The following CDC42 variants were observed in gnomAD, a reference collection of about 807,000 sequenced individuals.
CDC42 encodes the protein cell division control protein 42 homolog.
A neutral mutation model predicts 20.8 loss-of-function variants in CDC42; 1 was observed. The observed-to-expected ratio is 0.05, with a 90% CI of 0.02 to 0.23. The LOEUF (loss-of-function observed/expected upper bound fraction) is 0.23, where lower values mean the gene tolerates loss of function less well. CDC42 is among the 10% of genes least tolerant of loss of function. The probability of loss-of-function intolerance (pLI) is 1.00; values close to 1 mark genes in which losing one functional copy is unlikely to be tolerated. For missense variants in CDC42, 49 were observed against 227.9 expected (o/e 0.21, Z 5.05); for synonymous variants, 72 against 84.8 (o/e 0.85, Z 0.83).
chr1:22,084,642 T>C (rs2473315), intron 3 of CDC42, among the ~76,000 whole-genome samples: 143,679 of 151,880 alleles, frequency 0.95, 68,053 homozygotes, highest in East Asian at 1. Flanking sequence ...TTGATACTAT[T>C]TTCTGATGTA....
chr1:22,073,172 G>A (rs1234853914), intron 1 of CDC42, among the ~76,000 whole-genome samples: 1 of 152,166 alleles, frequency 6.6e-6, no homozygotes, highest in South Asian at 2.1e-4. Context: ...AATCTGTAGT[G>A]TGTGGACTTA....
chr1:22,057,840 C>T (rs772547273), intron 1 of CDC42, among the ~76,000 whole-genome samples: 1 of 151,840 alleles, frequency 6.6e-6, no homozygotes, highest in African/African-American at 2.4e-5. Context: ...TCTCCTGCTT[C>T]GGCCTCCTGA....
chr1:22,064,502 G>A (rs1645400550), intron 1 of CDC42, among the ~76,000 whole-genome samples: 1 of 151,980 alleles, frequency 6.6e-6, no homozygotes, highest in African/African-American at 2.4e-5. Flanking sequence ...TGTTGGCCAG[G>A]TTGGTGTGGA....
At chr1:22,053,374 C>A (rs1260632969) in intron 1 of CDC42, 2 of 151,678 alleles carry the variant, frequency 1.3e-5, no homozygotes, top group African/African-American at 2.4e-5. Flanking sequence ...CCGCGCCGGC[C>A]GCGTCCTCTG....
chr1:22,100,526 C>T lies in CDC42; in HGVS notation c.*9009C>T, dbSNP rs962559991. On this transcript the variant is annotated 3_prime_UTR_variant, in exon 6 of 6. Coordinates refer to ENST00000656825, the MANE Select transcript of CDC42 (RefSeq NM_001791.4). ...TCTCTGTGAAGTGGAAATAGCTGTA[C>T]TTTGCCCAAGAGTTGTGAGAGTGAC... 6.6e-5 allele frequency: 10 copies of T among 152,276 alleles called. No individual in the cohort carries two copies. Among genetic ancestry groups the T allele is most frequent in the African/African-American group, 2.4e-4 (10 of 41,544 alleles). 9.4% of individuals were successfully genotyped at this position (152,276 alleles called of 1,614,324 possible). A position where few individuals can be genotyped will look rare whatever the true frequency, so the allele number is the denominator to read the frequency against.
At chr1:22,061,050 C>T (rs556273312) in intron 1 of CDC42, among the ~76,000 whole-genome samples, 2 of 152,210 alleles carry the variant, frequency 1.3e-5, no homozygotes, top group South Asian at 4.1e-4. Flanking sequence ...AGAGTAAGGC[C>T]TGTGTGGCTT....
intron 1 of CDC42, among the ~76,000 whole-genome samples, chr1:22,078,022 G>A (rs1271379387): frequency 6.6e-6 from 1 of 152,122 alleles, no homozygotes; most frequent in East Asian, 1.9e-4. Flanking sequence ...TTAAAGCAGT[G>A]GCCTTTGTAT....
intron 5 of CDC42, among the ~76,000 whole-genome samples, chr1:22,088,188 G>A (rs747004856): frequency 6.6e-6 from 1 of 152,186 alleles, no homozygotes; most frequent in Non-Finnish European, 1.5e-5. Context: ...GCCTGTGTGT[G>A]TATATTGGGG....
Position 22,100,026 on chromosome 1 carries a change from C to CTT in CDC42, c.*8510_*8511dup, listed in dbSNP as rs780658203. 5.7e-4 allele frequency among the ~76,000 whole-genome samples: 33 copies of CTT among 57,576 alleles called. 2 individuals carry two copies. Among genetic ancestry groups the CTT allele is most frequent in the Admixed American group, 1.0e-3 (5 of 4,830 alleles). The allele number at this position is 57,576 out of a possible 152,430, so 37.8% of individuals were successfully genotyped here. Reference sequence around the variant, plus strand: ...CCTTTTTTTCTTTCTTCTTCTTCTTCTTCTTTTTTTTTTTTTTTGTATAAT... The same window carrying CTT: ...CCTTTTTTTCTTTCTTCTTCTTCTTCTTTTCTTTTTTTTTTTTTTTGTATAAT... On this transcript the variant is annotated 3_prime_UTR_variant, in exon 6 of 6. Coordinates refer to ENST00000656825, the MANE Select transcript of CDC42 (RefSeq NM_001791.4).
intron 1 of CDC42, among the ~76,000 whole-genome samples, chr1:22,063,466 A>AT: frequency 6.6e-6 from 1 of 152,158 alleles, no homozygotes. Flanking sequence ...TCTTACTTAG[A>AT]TAACTTTTGT....
At position 22,078,396 on chromosome 1, in the gene CDC42, A is replaced by C. The variant is rs1570015177; in HGVS notation, c.-50-33A>C. 4 of 1,057,706 alleles carry C rather than the reference A, an allele frequency of 3.8e-6. No individual in the cohort carries two copies. In the East Asian group the frequency reaches 9.9e-5, roughly 26 times the overall value. 65.5% of individuals were successfully genotyped at this position (1,057,706 alleles called of 1,614,324 possible). A position where few individuals can be genotyped will look rare whatever the true frequency, so the allele number is the denominator to read the frequency against. Reference sequence around the variant, plus strand: ...GAGGAAGAAAAATCCATATGTAAGTATAAATAAACAAATGTCTTTAATCTT... The same window carrying C: ...GAGGAAGAAAAATCCATATGTAAGTCTAAATAAACAAATGTCTTTAATCTT... On this transcript the variant is annotated intron_variant, in intron 1 of 5. Coordinates refer to ENST00000656825, the MANE Select transcript of CDC42 (RefSeq NM_001791.4).
rs550953408 is a variant in CDC42, at chr1:22,096,499, A to G, written c.*4982A>G. Among the ~76,000 whole-genome samples, 2 of 152,324 alleles carry G rather than the reference A, an allele frequency of 1.3e-5. No homozygotes were observed. The highest frequency in any genetic ancestry group is 4.8e-5 in the African/African-American group (2 of 41,568). On this transcript the variant is annotated 3_prime_UTR_variant, in exon 6 of 6. Transcript: ENST00000656825. ...ATCTGTGCATGCATATTCATGACAC[A>G]TTCATTTGTCATTATTTATCAAAAA...
At chr1:22,076,683 C>T (rs16826453) in intron 1 of CDC42, among the ~76,000 whole-genome samples, 1,909 of 152,208 alleles carry the variant, frequency 0.013, 45 homozygotes, top group African/African-American at 0.04. Flanking sequence ...GTGTTTGCTG[C>T]TTACTATTAT....
intron 1 of CDC42, among the ~76,000 whole-genome samples, chr1:22,061,356 C>G (rs1249915369): frequency 6.7e-6 from 1 of 149,340 alleles, no homozygotes; most frequent in South Asian, 2.1e-4. Context: ...TTCAGTGAGC[C>G]GAGATTGCAC....
chr1:22,069,088 AATGAATGAGTAG>A (rs968590214), intron 1 of CDC42, among the ~76,000 whole-genome samples: 7 of 151,760 alleles, frequency 4.6e-5, no homozygotes, highest in South Asian at 2.1e-4. Flanking sequence ...AGGCTTGTTG[AATGAATGAGTAG>A]ATGAATGAGT....
rs1645741155 is a variant in CDC42 at position 22,094,294 on chromosome 1, A to ATATTTTTTTTTT, written c.*2778_*2779insATTTTTTTTTTT. ...GTTTTACTGAACATCCTAGAAATAGATTTTTTTTTTTTTTTTTTTTTGAGA... is the reference window on the plus strand; with the variant it reads ...GTTTTACTGAACATCCTAGAAATAGATATTTTTTTTTTTTTTTTTTTTTTTTTTTTTTTGAGA... On this transcript the variant is annotated 3_prime_UTR_variant, in exon 6 of 6. Coordinates refer to ENST00000656825, the MANE Select transcript of CDC42 (RefSeq NM_001791.4). Among the ~76,000 whole-genome samples the ATATTTTTTTTTT allele has an allele frequency of 7.8e-5, 3 of 38,292 alleles. No homozygotes were observed. Among genetic ancestry groups the ATATTTTTTTTTT allele is most frequent in the Non-Finnish European group, 1.3e-4 (3 of 23,610 alleles). The allele number at this position is 38,292 out of a possible 152,430, so 25.1% of individuals were successfully genotyped here.
intron 3 of CDC42, among the ~76,000 whole-genome samples, chr1:22,083,797 C>T (rs1177553548): frequency 6.6e-6 from 1 of 152,172 alleles, no homozygotes; most frequent in African/African-American, 2.4e-5. Context: ...GTTCCCTTTG[C>T]AGTCAGCCCT....
At chr1:22,072,423 A>G (rs1645502697) in intron 1 of CDC42, among the ~76,000 whole-genome samples, 1 of 152,054 alleles carries the variant, frequency 6.6e-6, no homozygotes, top group Admixed American at 6.6e-5. Flanking sequence ...TGCCTTTGTC[A>G]TAAAGGGTAC....
chr1:22,071,046 C>CTTTT (rs10684040), intron 1 of CDC42, among the ~76,000 whole-genome samples: 3,437 of 125,244 alleles, frequency 0.027, 178 homozygotes, highest in African/African-American at 0.056. Flanking sequence ...TTTTTTCTTT[C>CTTTT]TTTTTTTTTT....
Sources: allele counts gnomAD v4.1 joint callset (sites outside exome capture counted in the v4.1 genomes callset), GRCh38; gene constraint gnomAD v4.1.1; transcripts MANE v1.5; gene names NCBI Gene and HGNC (gene_info 2026-07-23, HGNC 2026-07-21).